Variants in DCAF6 observed in about 807,000 individuals in gnomAD.
DCAF6 encodes the protein DDB1 and CUL4 associated factor 6.
In DCAF6, 54 loss-of-function variants were observed where a neutral mutation model predicts 125.1. The observed-to-expected ratio is 0.43, with a 90% confidence interval of 0.35 to 0.54. The LOEUF (loss-of-function observed/expected upper bound fraction) is 0.54. DCAF6 is among the 20% of genes least tolerant of loss of function. The pLI, the probability that DCAF6 is intolerant of heterozygous loss-of-function variation, is 0.01. For synonymous variants in DCAF6, 371 were observed against 390.4 expected (o/e 0.95, Z 0.58); for missense variants, 934 against 1,161.7 (o/e 0.80, Z 2.85).
intron 2 of DCAF6, among the ~76,000 whole-genome samples, chr1:167,958,315 A>G (rs1004071281): frequency 6.7e-6 from 1 of 149,158 alleles, no homozygotes; most frequent in African/African-American, 2.5e-5. Context: ...TTTATATGGT[A>G]TAAAGTAGGG....
At chr1:167,897,723 CCA>C in the DCAF6 span, among the ~76,000 whole-genome samples, 1,194 of 1,194 alleles carry the variant, frequency 1, 597 homozygotes, top group Non-Finnish European at 1. Context: ...AGGCCGGGCG[CCA>C]GGGGCTCACG....
intron 2 of DCAF6, among the ~76,000 whole-genome samples, chr1:167,963,148 C>T (rs980819694): frequency 6.6e-6 from 1 of 151,942 alleles, no homozygotes; most frequent in African/African-American, 2.4e-5. Context: ...CCTGTAATCC[C>T]AGCTACTCGG....
the DCAF6 span, among the ~76,000 whole-genome samples, chr1:167,896,184 A>G: frequency 6.6e-6 from 1 of 152,246 alleles, no homozygotes; most frequent in Non-Finnish European, 1.5e-5. Context: ...GAGCACAGAC[A>G]TCAAGGTGCT....
the DCAF6 span, among the ~76,000 whole-genome samples, chr1:167,887,207 A>G: frequency 8.3e-4 from 126 of 152,328 alleles, 1 homozygote; most frequent in South Asian, 0.024. Flanking sequence ...TATGTACCCA[A>G]AGGATTATAA....
chr1:167,924,790 T>C, the DCAF6 span, among the ~76,000 whole-genome samples: 1 of 152,134 alleles, frequency 6.6e-6, no homozygotes, highest in African/African-American at 2.4e-5. Flanking sequence ...TTTCAGTAAA[T>C]ATACTGCCAT....
chr1:167,878,594 A>T, the DCAF6 span: 45 of 1,614,080 alleles, frequency 2.8e-5, no homozygotes, highest in Non-Finnish European at 3.6e-5. Context: ...CCTGGGTAGT[A>T]CATCATCATC....
chr1:168,012,892 C>G (rs952508873), intron 10 of DCAF6, among the ~76,000 whole-genome samples: 1 of 152,046 alleles, frequency 6.6e-6, no homozygotes, highest in East Asian at 1.9e-4. Context: ...GTACTGAGAT[C>G]TTGCTGTTTG....
At chr1:167,981,586 A>G (rs1337102252) in intron 4 of DCAF6, among the ~76,000 whole-genome samples, 1 of 152,102 alleles carries the variant, frequency 6.6e-6, no homozygotes, top group Non-Finnish European at 1.5e-5. Flanking sequence ...TTATGTCCAC[A>G]AGTATCCAGT....
intron 4 of DCAF6, among the ~76,000 whole-genome samples, chr1:167,984,667 G>T (rs1252731015): frequency 6.6e-6 from 1 of 152,104 alleles, no homozygotes; most frequent in Non-Finnish European, 1.5e-5. Flanking sequence ...TCACAAATAT[G>T]AAATGAGTAA....
At chr1:168,049,605 A>G (rs1157891036) in intron 16 of DCAF6, among the ~76,000 whole-genome samples, 1 of 150,076 alleles carries the variant, frequency 6.7e-6, no homozygotes. Flanking sequence ...TTGGAATGAA[A>G]AGAGTGTGGT....
chr1:168,029,210 A>C (rs549611500), intron 12 of DCAF6, among the ~76,000 whole-genome samples: 22 of 152,372 alleles, frequency 1.4e-4, no homozygotes, highest in Non-Finnish European at 2.9e-5. Flanking sequence ...CATAAAAATA[A>C]CTGACATTTA....
intron 16 of DCAF6, among the ~76,000 whole-genome samples, chr1:168,050,250 T>G (rs1689744704): frequency 6.6e-6 from 1 of 152,204 alleles, no homozygotes; most frequent in Admixed American, 6.5e-5. Context: ...TCCATATACC[T>G]ACTCTGGACC....
chr1:167,956,537 TTTTTCTG>T (rs1674818158), intron 2 of DCAF6, among the ~76,000 whole-genome samples: 1 of 152,116 alleles, frequency 6.6e-6, no homozygotes, highest in Non-Finnish European at 1.5e-5. Context: ...GTCTCCGTTG[TTTTTCTG>T]TTTTCTATTT....
At chr1:167,878,881 G>C in the DCAF6 span, among the ~76,000 whole-genome samples, 3 of 152,306 alleles carry the variant, frequency 2.0e-5, no homozygotes, top group South Asian at 6.2e-4. Flanking sequence ...CCTGCTCAGG[G>C]ATGGAAGGGG....
chr1:167,991,450 A>G, intron 6 of DCAF6, 111 bp downstream of exon 6: 1 of 1,052,500 alleles, frequency 9.5e-7, no homozygotes, highest in Non-Finnish European at 1.3e-6. Context: ...AGAAAATAGT[A>G]TTTGTTTAAT....
intron 2 of DCAF6, among the ~76,000 whole-genome samples, chr1:167,959,016 A>G (rs1263353221): frequency 2.0e-5 from 3 of 152,142 alleles, no homozygotes; most frequent in African/African-American, 7.2e-5. Context: ...CTGCCTTAAA[A>G]ATCTCCTGTG....
chr1:167,869,929 GTGTT>G, the DCAF6 span, among the ~76,000 whole-genome samples: 1 of 152,164 alleles, frequency 6.6e-6, no homozygotes, highest in African/African-American at 2.4e-5. Context: ...ATAAACTTAA[GTGTT>G]TGTTCTGCAG....
At chr1:168,020,321 A>G (rs1271033424) in intron 11 of DCAF6, among the ~76,000 whole-genome samples, 2 of 152,224 alleles carry the variant, frequency 1.3e-5, no homozygotes, top group African/African-American at 4.8e-5. Flanking sequence ...ATTTGAACCC[A>G]GGAAGTGTGG....
chr1:168,024,589 T>C (rs1417915055), intron 12 of DCAF6, among the ~76,000 whole-genome samples: 2 of 152,144 alleles, frequency 1.3e-5, no homozygotes, highest in Non-Finnish European at 2.9e-5. Context: ...GCAGATCACC[T>C]GAGGTCAGAA....
Sources: allele counts gnomAD v4.1 joint callset (sites outside exome capture counted in the v4.1 genomes callset), GRCh38; gene constraint gnomAD v4.1.1; transcripts MANE v1.5; gene names NCBI Gene and HGNC (gene_info 2026-07-23, HGNC 2026-07-21).